The following ITPR1 variants were observed in gnomAD, a reference collection of about 807,000 sequenced individuals.
The protein encoded by ITPR1 is inositol 1,4,5-trisphosphate-gated calcium channel ITPR1.
A neutral mutation model predicts 318.4 loss-of-function variants in ITPR1; 96 were observed. The ratio of observed to expected loss-of-function variants is 0.30; its 90% CI spans 0.26 to 0.36. The LOEUF is 0.36. Ranked by LOEUF, ITPR1 falls within the 10% of genes least tolerant of loss-of-function variation. The pLI, the probability that ITPR1 is intolerant of heterozygous loss-of-function variation, is 1.00. For synonymous variants in ITPR1, 1,312 were observed against 1,289.9 expected (o/e 1.02, Z -0.37); for missense variants, 2,440 against 3,460.2 (o/e 0.71, Z 7.40).
chr3:4,550,588 C>G (rs2085468707), intron 4 of ITPR1, among the ~76,000 whole-genome samples: 2 of 152,016 alleles, frequency 1.3e-5, no homozygotes, highest in Non-Finnish European at 2.9e-5. Context: ...GTTCATGGGA[C>G]AAATGGCAGA....
chr3:4,732,674 T>C (rs1317549338), intron 42 of ITPR1, among the ~76,000 whole-genome samples: 1 of 152,272 alleles, frequency 6.6e-6, no homozygotes, highest in Admixed American at 6.5e-5. Flanking sequence ...GATATCTTAA[T>C]ATTTTTTCGG....
At chr3:4,844,603 T>C (rs2051618749) in intron 61 of ITPR1, among the ~76,000 whole-genome samples, 1 of 152,194 alleles carries the variant, frequency 6.6e-6, no homozygotes, top group Non-Finnish European at 1.5e-5. Context: ...TTTAACCTAA[T>C]TGTGAATTTA....
At chr3:4,840,029 CTTTTTT>C (rs56096727) in intron 61 of ITPR1, among the ~76,000 whole-genome samples, 26 of 104,890 alleles carry the variant, frequency 2.5e-4, no homozygotes, top group African/African-American at 8.4e-4. Flanking sequence ...AGCATAGCTG[CTTTTTT>C]TTTTTTTTTT....
chr3:4,765,945 G>A (rs2045789762), intron 44 of ITPR1, among the ~76,000 whole-genome samples: 1 of 152,122 alleles, frequency 6.6e-6, no homozygotes, highest in South Asian at 2.1e-4. Flanking sequence ...AGATTTTGGA[G>A]TCACTATAGC....
chr3:4,699,315 C>T (rs2094605952), intron 34 of ITPR1, among the ~76,000 whole-genome samples: 1 of 151,974 alleles, frequency 6.6e-6, no homozygotes, highest in South Asian at 2.1e-4. Flanking sequence ...CAAGATCATG[C>T]CACAGCACTC....
At chr3:4,642,758 G>A (rs1331381896) in intron 7 of ITPR1, among the ~76,000 whole-genome samples, 2 of 152,150 alleles carry the variant, frequency 1.3e-5, no homozygotes, top group Non-Finnish European at 2.9e-5. Flanking sequence ...GCCCACTCCT[G>A]AGGGTTCCAC....
chr3:4,689,359 G>T (rs2094445807), intron 31 of ITPR1, among the ~76,000 whole-genome samples: 1 of 152,176 alleles, frequency 6.6e-6, no homozygotes, highest in Non-Finnish European at 1.5e-5. Flanking sequence ...CCAGAAAAAG[G>T]ATTGCTGGAT....
At chr3:4,592,784 G>A (rs1324405357) in intron 4 of ITPR1, among the ~76,000 whole-genome samples, 1 of 152,200 alleles carries the variant, frequency 6.6e-6, no homozygotes, top group Admixed American at 6.5e-5. Context: ...CAACTCTGAG[G>A]CAGTGAGGTC....
At chr3:4,573,381 T>C (rs1038085391) in intron 4 of ITPR1, among the ~76,000 whole-genome samples, 1 of 152,202 alleles carries the variant, frequency 6.6e-6, no homozygotes, top group Non-Finnish European at 1.5e-5. Flanking sequence ...TGAGTCACCA[T>C]TGGCTCTTGT....
At chr3:4,524,581 A>C (rs1384752477) in intron 4 of ITPR1, among the ~76,000 whole-genome samples, 1 of 152,180 alleles carries the variant, frequency 6.6e-6, no homozygotes, top group Non-Finnish European at 1.5e-5. Context: ...GCAGAGCTGC[A>C]TGTAGTCATT....
chr3:4,780,214 A>T (rs1358853505), intron 49 of ITPR1, among the ~76,000 whole-genome samples: 1 of 152,138 alleles, frequency 6.6e-6, no homozygotes, highest in Non-Finnish European at 1.5e-5. Context: ...TCAGCACCTG[A>T]TACACCCTTA....
chr3:4,549,058 A>C (rs925013457), intron 4 of ITPR1, among the ~76,000 whole-genome samples: 1 of 152,214 alleles, frequency 6.6e-6, no homozygotes, highest in Non-Finnish European at 1.5e-5. Context: ...TTGGTTGTCA[A>C]GTTAGCAGGA....
chr3:4,574,686 G>A (rs752515301), intron 4 of ITPR1, among the ~76,000 whole-genome samples: 1 of 152,230 alleles, frequency 6.6e-6, no homozygotes, highest in Non-Finnish European at 1.5e-5. Context: ...CACGCTTGCT[G>A]AGCAGAGTAC....
intron 4 of ITPR1, among the ~76,000 whole-genome samples, chr3:4,607,053 A>G (rs1042564707): frequency 6.6e-6 from 1 of 152,196 alleles, no homozygotes; most frequent in Non-Finnish European, 1.5e-5. Context: ...CACACCAAAC[A>G]ACAATAATAT....
intron 49 of ITPR1, chr3:4,782,412 C>T (rs1032114201): frequency 2.4e-6 from 1 of 412,422 alleles, no homozygotes; most frequent in East Asian, 3.7e-5. Context: ...GAATGAGTTT[C>T]ATTTCTCACG....
chr3:4,835,575 TG>T (rs2050844794), intron 60 of ITPR1, among the ~76,000 whole-genome samples: 1 of 152,046 alleles, frequency 6.6e-6, no homozygotes, highest in Non-Finnish European at 1.5e-5. Flanking sequence ...AGTGTGTGTG[TG>T]TGTGGGAGGG....
At chr3:4,585,117 C>T (rs966784428) in intron 4 of ITPR1, among the ~76,000 whole-genome samples, 2 of 152,194 alleles carry the variant, frequency 1.3e-5, no homozygotes, top group Non-Finnish European at 2.9e-5. Context: ...CATCTTGATA[C>T]TCAGTTCAGT....
At chr3:4,804,862 C>A (rs142778396) in intron 54 of ITPR1, among the ~76,000 whole-genome samples, 3 of 152,090 alleles carry the variant, frequency 2.0e-5, no homozygotes, top group African/African-American at 7.2e-5. Context: ...TCACTTACAC[C>A]GACCTACCAG....
At chr3:4,497,696 T>C (rs1355531227) in intron 2 of ITPR1, among the ~76,000 whole-genome samples, 2 of 152,174 alleles carry the variant, frequency 1.3e-5, no homozygotes. Flanking sequence ...GTCCCAGCAA[T>C]TCCACTTCAA....
Sources: gnomAD v4.1 joint callset for allele counts (sites outside exome capture counted in the v4.1 genomes callset) on GRCh38, gnomAD v4.1.1 for gene constraint, MANE v1.5 for transcripts, NCBI Gene and HGNC (gene_info 2026-07-23, HGNC 2026-07-21) for gene names.